Variants in SLC4A1AP observed in about 807,000 individuals in gnomAD.
SLC4A1AP encodes the protein kanadaptin.
A neutral mutation model predicts 89.7 loss-of-function variants in SLC4A1AP; 64 were observed. The observed-to-expected ratio is 0.71, with a 90% CI of 0.58 to 0.88. SLC4A1AP has a LOEUF of 0.88. Among genes scored for constraint, SLC4A1AP ranks in the 40% least tolerant of loss-of-function variants. The probability of loss-of-function intolerance (pLI) is 0.00; values close to 1 mark genes in which losing one functional copy is unlikely to be tolerated. For missense variants in SLC4A1AP, 931 were observed against 965.0 expected (o/e 0.96, Z 0.47); for synonymous variants, 366 against 353.3 (o/e 1.04, Z -0.40).
chr2:27,688,567 A>G, intron 11 of SLC4A1AP, 133 bp from the exon 12 acceptor site: 1 of 625,760 alleles, frequency 1.6e-6, no homozygotes, highest in Non-Finnish European at 2.8e-6. Context: ...CAGCAGTAGA[A>G]GGAATTGTTG....
intron 9 of SLC4A1AP, among the ~76,000 whole-genome samples, chr2:27,684,163 A>T (rs893194548): frequency 5.3e-5 from 8 of 152,142 alleles, no homozygotes; most frequent in African/African-American, 1.7e-4. Context: ...GCGGTGGCTC[A>T]TACCTGTTAT....
chr2:27,670,244 C>T (rs576453820), intron 5 of SLC4A1AP, among the ~76,000 whole-genome samples: 45 of 149,396 alleles, frequency 3.0e-4, no homozygotes, highest in African/African-American at 9.8e-4. Flanking sequence ...GTGATCCACC[C>T]GCCTTGGCCT....
chr2:27,677,328 T>A, exon 7 of SLC4A1AP: 1 of 1,613,578 alleles, frequency 6.2e-7, no homozygotes, highest in Non-Finnish European at 8.5e-7. Flanking sequence ...AAGGGAACTT[T>A]CTGAAATTTC....
At chr2:27,664,524 C>T (rs1483388113) in exon 1 of SLC4A1AP, 1 of 1,614,112 alleles carries the variant, frequency 6.2e-7, no homozygotes, top group Non-Finnish European at 8.5e-7. Context: ...CTGTCGAGTC[C>T]ACGTTGGGCA....
intron 2 of SLC4A1AP, among the ~76,000 whole-genome samples, chr2:27,666,432 G>C (rs1310245467): frequency 7.1e-6 from 1 of 141,362 alleles, no homozygotes; most frequent in African/African-American, 2.7e-5. Context: ...GCACTCCACA[G>C]GGAAGCTTTA....
At chr2:27,694,656 C>A (rs751512515) in exon 14 of SLC4A1AP, 9 of 1,582,952 alleles carry the variant, frequency 5.7e-6, no homozygotes, top group Non-Finnish European at 7.8e-6. Context: ...ATGGCAGAAC[C>A]CATCTTAATG....
At chr2:27,689,253 A>G (rs1675752101) in intron 12 of SLC4A1AP, among the ~76,000 whole-genome samples, 1 of 152,178 alleles carries the variant, frequency 6.6e-6, no homozygotes, top group Non-Finnish European at 1.5e-5. Flanking sequence ...TTTTATTACA[A>G]TAATACTATA....
rs1263873407 is a variant in SLC4A1AP, at chr2:27,677,367, A to T, written c.1576+3A>T. ...GAGATTGAAAGCCTCAAGCCAAGGT[A>T]AGTTTTTCATCAAATATTTATTAAT... On this transcript the variant is annotated splice_donor_region_variant and intron_variant, in intron 7 of 13. Transcript: ENST00000613058. The T allele has an allele frequency of 1.3e-6, 2 of 1,599,734 alleles. No individual in the cohort carries two copies. The highest frequency in any genetic ancestry group is 1.1e-5 in the South Asian group (1 of 90,626).
exon 8 of SLC4A1AP, chr2:27,677,875 A>G (rs1675550028): frequency 6.2e-7 from 1 of 1,610,606 alleles, no homozygotes; most frequent in African/African-American, 1.3e-5. Flanking sequence ...ACAGAGACTT[A>G]AAGGGTTAAT....
intron 2 of SLC4A1AP, 101 bp downstream of exon 2, chr2:27,665,396 GAGAT>G (rs1246724661): frequency 6.1e-6 from 6 of 987,810 alleles, no homozygotes; most frequent in Non-Finnish European, 5.8e-6. Flanking sequence ...ATGGCTCCTT[GAGAT>G]AGATAGGGCA....
chr2:27,666,869 A>G (rs867825284), intron 2 of SLC4A1AP, among the ~76,000 whole-genome samples: 1 of 71,898 alleles, frequency 1.4e-5, no homozygotes, highest in African/African-American at 4.0e-5. Flanking sequence ...ATATATATAT[A>G]TATTTTTTTT....
chr2:27,686,702 A>C lies in SLC4A1AP; in HGVS notation c.2117-1232A>C, dbSNP rs149578806. On this transcript the variant is annotated intron_variant, in intron 10 of 13. Coordinates refer to ENST00000613058, the Ensembl canonical transcript of SLC4A1AP. ...GGCAGGAGAATTGCTTGAACCCGGG[A>C]GACAGAAGTTGCAGTGAATTGAGAT... Among the ~76,000 whole-genome samples, 11 of 152,244 alleles carry C rather than the reference A, an allele frequency of 7.2e-5. No homozygotes were observed. In the East Asian group the frequency reaches 2.1e-3, roughly 29 times the overall value.
At chr2:27,679,746 G>T (rs13428165) in intron 8 of SLC4A1AP, among the ~76,000 whole-genome samples, 2,373 of 152,268 alleles carry the variant, frequency 0.016, 71 homozygotes, top group African/African-American at 0.053. Flanking sequence ...AACAGGCGCT[G>T]TCTGTAAAAA....
In SLC4A1AP at chr2:27,669,396, A is replaced by G; in HGVS notation, c.1345+9A>G. 6.0e-6 allele frequency: 9 copies of G among 1,487,964 alleles called. No individual in the cohort carries two copies. Among genetic ancestry groups the G allele is most frequent in the Non-Finnish European group, 8.0e-6 (9 of 1,119,150 alleles). The allele number at this position is 1,487,964 out of a possible 1,614,324, so 92.2% of individuals were successfully genotyped here. A position where few individuals can be genotyped will look rare whatever the true frequency, so the allele number is the denominator to read the frequency against. Reference sequence around the variant, plus strand: ...GCTTCGGCAGGAAGCAGGTCAGTATATAGGAGCCCTTTTTTTCTAGATTTA... The same window carrying G: ...GCTTCGGCAGGAAGCAGGTCAGTATGTAGGAGCCCTTTTTTTCTAGATTTA... On this transcript the variant is annotated intron_variant, in intron 5 of 13. Coordinates refer to ENST00000613058, the Ensembl canonical transcript of SLC4A1AP.
chr2:27,680,606 A>T (rs1675603812), intron 8 of SLC4A1AP, among the ~76,000 whole-genome samples: 1 of 152,178 alleles, frequency 6.6e-6, no homozygotes, highest in South Asian at 2.1e-4. Flanking sequence ...CCTGGGCAAC[A>T]TAGTGAGACC....
intron 12 of SLC4A1AP, among the ~76,000 whole-genome samples, chr2:27,689,895 C>G (rs1378217821): frequency 9.2e-5 from 14 of 152,198 alleles, no homozygotes; most frequent in African/African-American, 2.4e-5. Context: ...AAGGTAAATG[C>G]CAAATTTCCC....
chr2:27,665,226 A>G (rs1299576078), exon 2 of SLC4A1AP: 1 of 1,613,656 alleles, frequency 6.2e-7, no homozygotes, highest in African/African-American at 1.3e-5. Context: ...AGAAGAGGAA[A>G]TGGATACCTC....
At position 27,684,394 on chromosome 2, in the gene SLC4A1AP, C is replaced by G. The variant is rs1397226436; in HGVS notation, c.1876-643C>G. 8.0e-5 allele frequency among the ~76,000 whole-genome samples: 12 copies of G among 149,990 alleles called. No individual in the cohort carries two copies. In the East Asian group the frequency reaches 2.3e-3, roughly 29 times the overall value. ...AGTGAGCTGAGATCGCACCACTGCA[C>G]TCCAGCTTGGGCCACAGAGCAAGAC... On this transcript the variant is annotated intron_variant, in intron 9 of 13. Coordinates refer to ENST00000613058, the Ensembl canonical transcript of SLC4A1AP.
At chr2:27,664,955 G>A in intron 1 of SLC4A1AP, 145 bp from the exon 2 acceptor site, 1 of 588,658 alleles carries the variant, frequency 1.7e-6, no homozygotes, top group African/African-American at 1.9e-5. Context: ...TGCTCAGGAG[G>A]CTGAGGTGGG....
Sources: gnomAD v4.1 joint callset for allele counts (sites outside exome capture counted in the v4.1 genomes callset) on GRCh38, gnomAD v4.1.1 for gene constraint, MANE v1.5 for transcripts, NCBI Gene and HGNC (gene_info 2026-07-23, HGNC 2026-07-21) for gene names.